Variants in FSTL4 observed in about 807,000 individuals in gnomAD.
FSTL4 encodes the protein follistatin like 4, also known as follistatin-related protein 4.
Under a neutral mutation model 78.2 loss-of-function variants are expected in FSTL4, and 28 were observed. That is an observed-to-expected ratio of 0.36 (90% confidence interval 0.27 to 0.49). FSTL4 has a LOEUF of 0.49. Among genes scored for constraint, FSTL4 ranks in the 20% least tolerant of loss-of-function variants. The pLI is 0.98. For synonymous variants in FSTL4, 422 were observed against 440.5 expected, an observed-to-expected ratio of 0.96 and a Z score of 0.53; for missense variants, 922 against 1,084.9, an observed-to-expected ratio of 0.85 and a Z score of 2.11.
intron 3 of FSTL4, among the ~76,000 whole-genome samples, chr5:133,470,571 C>A (rs1464272134): frequency 6.6e-6 from 1 of 151,930 alleles, no homozygotes; most frequent in African/African-American, 2.4e-5. Flanking sequence ...ATGGTGAAAC[C>A]CCGTCTCTAC....
intron 7 of FSTL4, among the ~76,000 whole-genome samples, chr5:133,234,650 C>T (rs536457468): frequency 1.3e-5 from 2 of 152,178 alleles, no homozygotes; most frequent in Non-Finnish European, 2.9e-5. Context: ...GGCCCAGGCT[C>T]ACTAATGAGC....
the FSTL4 span, among the ~76,000 whole-genome samples, chr5:133,627,367 G>A: frequency 2.0e-5 from 3 of 152,054 alleles, no homozygotes; most frequent in African/African-American, 4.8e-5. Context: ...AGGAAAAAGG[G>A]GTTTCCCCTT....
At chr5:133,573,037 G>A (rs561140272) in intron 2 of FSTL4, among the ~76,000 whole-genome samples, 1 of 152,266 alleles carries the variant, frequency 6.6e-6, no homozygotes, top group South Asian at 2.1e-4. Context: ...GAGGTCAGGA[G>A]ATCGAGACCA....
the FSTL4 span, among the ~76,000 whole-genome samples, chr5:133,730,282 C>T: frequency 2.0e-5 from 3 of 152,196 alleles, no homozygotes; most frequent in Admixed American, 6.5e-5. Flanking sequence ...ACTGTGTCCC[C>T]TCATCAAGAT....
chr5:133,393,542 A>C (rs1042018464), intron 4 of FSTL4, among the ~76,000 whole-genome samples: 1 of 152,216 alleles, frequency 6.6e-6, no homozygotes, highest in African/African-American at 2.4e-5. Flanking sequence ...GCAAAGACTG[A>C]AAGAACAACA....
At chr5:133,681,018 G>A in the FSTL4 span, among the ~76,000 whole-genome samples, 1 of 152,358 alleles carries the variant, frequency 6.6e-6, no homozygotes, top group South Asian at 2.1e-4. Flanking sequence ...AGGCCTGGAT[G>A]TCTGAAGGCT....
At chr5:133,546,080 G>A (rs1191275093) in intron 3 of FSTL4, among the ~76,000 whole-genome samples, 1 of 152,204 alleles carries the variant, frequency 6.6e-6, no homozygotes, top group Non-Finnish European at 1.5e-5. Flanking sequence ...AAAGTATTCA[G>A]GCTATTATAT....
chr5:133,539,411 G>A (rs556237088), intron 3 of FSTL4, among the ~76,000 whole-genome samples: 1 of 152,228 alleles, frequency 6.6e-6, no homozygotes, highest in African/African-American at 2.4e-5. Flanking sequence ...CTCATGTGAG[G>A]TTCCTAGGAT....
intron 14 of FSTL4, among the ~76,000 whole-genome samples, chr5:133,208,989 A>G (rs1750617731): frequency 6.6e-6 from 1 of 152,136 alleles, no homozygotes; most frequent in African/African-American, 2.4e-5. Flanking sequence ...CATCTATTGC[A>G]GTTTTAAACT....
intron 3 of FSTL4, among the ~76,000 whole-genome samples, chr5:133,480,904 A>G (rs1758014705): frequency 2.6e-5 from 4 of 152,180 alleles, no homozygotes; most frequent in Non-Finnish European, 5.9e-5. Context: ...AACTTCCAAG[A>G]AAAGAGCAGC....
chr5:133,418,507 C>T (rs763520866), intron 3 of FSTL4, among the ~76,000 whole-genome samples: 19 of 151,962 alleles, frequency 1.3e-4, no homozygotes, highest in Non-Finnish European at 2.5e-4. Context: ...TGAAAAAAAT[C>T]GACAAGCTAT....
the FSTL4 span, among the ~76,000 whole-genome samples, chr5:133,802,502 C>T: frequency 2.0e-5 from 3 of 152,192 alleles, no homozygotes; most frequent in Non-Finnish European, 2.9e-5. Context: ...GGAGTCCAGC[C>T]GCCGTCATCC....
chr5:133,282,502 G>A (rs1456172236), intron 6 of FSTL4, among the ~76,000 whole-genome samples: 1 of 152,208 alleles, frequency 6.6e-6, no homozygotes, highest in Non-Finnish European at 1.5e-5. Flanking sequence ...AACTCAAAAT[G>A]CATTTTAATC....
intron 4 of FSTL4, among the ~76,000 whole-genome samples, chr5:133,356,226 C>G (rs1299104573): frequency 1.1e-4 from 16 of 152,248 alleles, no homozygotes; most frequent in Non-Finnish European, 4.4e-5. Flanking sequence ...TGTGTGCCCA[C>G]TGTGTGCTAA....
intron 4 of FSTL4, among the ~76,000 whole-genome samples, chr5:133,344,098 T>C (rs1017816932): frequency 6.6e-6 from 1 of 152,192 alleles, no homozygotes; most frequent in Non-Finnish European, 1.5e-5. Flanking sequence ...GAAAAGGCAG[T>C]GAATTCTTAT....
chr5:133,653,763 T>C, the FSTL4 span, among the ~76,000 whole-genome samples: 260 of 152,292 alleles, frequency 1.7e-3, no homozygotes, highest in Non-Finnish European at 2.9e-3. Flanking sequence ...TCCGAGAAGA[T>C]TAGATATCTG....
At chr5:133,245,115 AC>A (rs1751997108) in intron 7 of FSTL4, among the ~76,000 whole-genome samples, 1 of 130,180 alleles carries the variant, frequency 7.7e-6, no homozygotes, top group African/African-American at 3.6e-5. Flanking sequence ...GAGAGACCCT[AC>A]TGCCTAAAAA....
At chr5:133,415,662 C>T (rs961458060) in intron 3 of FSTL4, among the ~76,000 whole-genome samples, 18 of 152,144 alleles carry the variant, frequency 1.2e-4, no homozygotes, top group Middle Eastern at 3.4e-3. Flanking sequence ...GTGGCTTTGT[C>T]GGTCTCCGGT....
chr5:133,243,795 C>T (rs751019722), intron 7 of FSTL4: 4 of 152,392 alleles, frequency 2.6e-5, no homozygotes, highest in Non-Finnish European at 4.4e-5. Flanking sequence ...ACCCAACAGC[C>T]ATTACCTGTG....
Sources: allele counts gnomAD v4.1 joint callset (sites outside exome capture counted in the v4.1 genomes callset), GRCh38; gene constraint gnomAD v4.1.1; transcripts MANE v1.5; gene names NCBI Gene and HGNC (gene_info 2026-07-23, HGNC 2026-07-21).